FKTN: variants seen among roughly 807,000 people sequenced by gnomAD.
FKTN encodes fukutin.
FKTN carries 47 observed loss-of-function variants against 58.6 expected under a neutral mutation model. The observed-to-expected ratio is 0.80, with a 90% CI of 0.63 to 1.02. The LOEUF (loss-of-function observed/expected upper bound fraction) is 1.02, where lower values mean the gene tolerates loss of function less well. Ranked by LOEUF, FKTN falls within the 50% of genes least tolerant of loss-of-function variation. The probability of loss-of-function intolerance (pLI) is 0.00; values close to 1 mark genes in which losing one functional copy is unlikely to be tolerated. For missense variants in FKTN, 516 were observed against 537.3 expected, an observed-to-expected ratio of 0.96 and a Z score of 0.39; for synonymous variants, 178 against 191.9, an observed-to-expected ratio of 0.93 and a Z score of 0.60.
chr9:105,615,415 T>C lies in FKTN; in HGVS notation c.910+8T>C. The C allele has an allele frequency of 6.2e-7, 1 of 1,613,864 alleles. No individual in the cohort carries two copies. On this transcript the variant is annotated splice_region_variant and intron_variant, in intron 8 of 10. Coordinates refer to ENST00000357998, the MANE Select transcript of FKTN (RefSeq NM_001079802.2). ...GCAGTGGAACTTGTCTAGGTAAAAT[T>C]CTTACGACTTTCCATTTGTCTTTCT...
At chr9:105,611,709 G>A (rs1206446938) in intron 7 of FKTN, among the ~76,000 whole-genome samples, 1 of 152,092 alleles carries the variant, frequency 6.6e-6, no homozygotes. Flanking sequence ...GTATTCCATG[G>A]TGTATATATA....
At chr9:105,584,100 T>C (rs937569473) in intron 3 of FKTN, among the ~76,000 whole-genome samples, 2 of 152,214 alleles carry the variant, frequency 1.3e-5, no homozygotes, top group African/African-American at 4.8e-5. Flanking sequence ...AGTTAATTAC[T>C]TGACTTCTAA....
chr9:105,620,817 G>GTAGTAGTAGTAA (rs1188483734), intron 10 of FKTN, among the ~76,000 whole-genome samples: 37 of 150,696 alleles, frequency 2.5e-4, no homozygotes, highest in African/African-American at 9.0e-4. Context: ...AGTAGTAGTA[G>GTAGTAGTAGTAA]TAGTAAAGAA....
intron 1 of FKTN, among the ~76,000 whole-genome samples, chr9:105,563,165 G>T (rs903526155): frequency 4.6e-5 from 7 of 152,166 alleles, no homozygotes; most frequent in Non-Finnish European, 1.0e-4. Context: ...GAAAGAATAT[G>T]CAGTGGGGTT....
At chr9:105,570,192 A>G (rs1006725254) in intron 1 of FKTN, among the ~76,000 whole-genome samples, 3 of 152,092 alleles carry the variant, frequency 2.0e-5, no homozygotes, top group African/African-American at 7.2e-5. Flanking sequence ...TTCCTGCAGA[A>G]CAGAAAAGTT....
In FKTN at chr9:105,593,040, A is replaced by C. The variant is rs76160496; in HGVS notation, c.106-3558A>C. On this transcript the variant is annotated intron_variant, in intron 3 of 10. Transcript: ENST00000357998. ...ATTTTCTGTAGTTAGTCTGTTCTCG[A>C]ATTGCTATAAAGAAACACCTAAGAC... 9.1e-3 allele frequency among the ~76,000 whole-genome samples: 1,382 copies of C among 152,300 alleles called. 22 individuals carry two copies. The highest frequency in any genetic ancestry group is 0.032 in the African/African-American group (1,324 of 41,542).
intron 7 of FKTN, among the ~76,000 whole-genome samples, chr9:105,611,812 T>C (rs1042152431): frequency 6.6e-6 from 1 of 152,184 alleles, no homozygotes; most frequent in African/African-American, 2.4e-5. Context: ...AACACACACA[T>C]GTATGTGTCT....
chr9:105,626,412 G>A (rs1241852778), intron 10 of FKTN, among the ~76,000 whole-genome samples: 2 of 152,194 alleles, frequency 1.3e-5, no homozygotes, highest in East Asian at 3.8e-4. Flanking sequence ...CATGGTGAAA[G>A]GAGCAATCAA....
intron 3 of FKTN, among the ~76,000 whole-genome samples, chr9:105,579,633 G>A (rs1291412962): frequency 6.8e-6 from 1 of 148,108 alleles, no homozygotes; most frequent in African/African-American, 2.5e-5. Flanking sequence ...TGAAAAAAAT[G>A]TATATTCTGT....
At chr9:105,621,456 A>T (rs1273770453) in intron 10 of FKTN, among the ~76,000 whole-genome samples, 1 of 152,180 alleles carries the variant, frequency 6.6e-6, no homozygotes, top group African/African-American at 2.4e-5. Context: ...TAAATTTTTG[A>T]ATAGATTATA....
At chr9:105,605,135 TC>T (rs1407031367) in intron 6 of FKTN, among the ~76,000 whole-genome samples, 5 of 152,014 alleles carry the variant, frequency 3.3e-5, no homozygotes, top group Admixed American at 3.3e-4. Context: ...ATTATTTTTT[TC>T]CATTCAAAAG....
At chr9:105,628,714 A>G (rs1246439337) in intron 10 of FKTN, among the ~76,000 whole-genome samples, 6 of 152,250 alleles carry the variant, frequency 3.9e-5, no homozygotes, top group Non-Finnish European at 7.3e-5. Flanking sequence ...TATTCAAACA[A>G]TGGACTACCA....
At chr9:105,621,636 T>C (rs1032990399) in intron 10 of FKTN, among the ~76,000 whole-genome samples, 1 of 152,090 alleles carries the variant, frequency 6.6e-6, no homozygotes, top group East Asian at 1.9e-4. Flanking sequence ...CGTATACATA[T>C]AGTATTTACG....
rs901776517 is a variant in FKTN, at chr9:105,633,500, G to T, written c.1173-1551G>T. The T allele has an allele frequency of 4.6e-5, 7 of 152,248 alleles. No individual in the cohort carries two copies. In the East Asian group the frequency reaches 1.2e-3, roughly 25 times the overall value. 9.4% of individuals were successfully genotyped at this position (152,248 alleles called of 1,614,324 possible). A position where few individuals can be genotyped will look rare whatever the true frequency, so the allele number is the denominator to read the frequency against. Reference sequence around the variant, plus strand: ...GTGGACATTCTGCTAACCAGCATCTGATTAGAGAGGGTGGAGGCTGGTGAT... The same window carrying T: ...GTGGACATTCTGCTAACCAGCATCTTATTAGAGAGGGTGGAGGCTGGTGAT... On this transcript the variant is annotated intron_variant, in intron 10 of 10. Transcript: ENST00000357998.
Position 105,579,247 on chromosome 9 carries a change from A to G in FKTN, c.105+4110A>G, listed in dbSNP as rs1244989911. Reference sequence around the variant, plus strand: ...TGCTCTTGCTTCTCTAGTTCTCTTAATTGTGATGTTAGGGTGTCAATTTTA... The same window carrying G: ...TGCTCTTGCTTCTCTAGTTCTCTTAGTTGTGATGTTAGGGTGTCAATTTTA... On this transcript the variant is annotated intron_variant, in intron 3 of 10. Transcript: ENST00000357998. Among the ~76,000 whole-genome samples the G allele has an allele frequency of 3.3e-5, 5 of 152,024 alleles. No homozygotes were observed. In the East Asian group the frequency reaches 9.7e-4, roughly 29 times the overall value.
At chr9:105,612,848 C>T (rs1830176339) in intron 7 of FKTN, among the ~76,000 whole-genome samples, 1 of 152,034 alleles carries the variant, frequency 6.6e-6, no homozygotes, top group Admixed American at 6.5e-5. Flanking sequence ...ACTTGTAATC[C>T]CAGCTACTTG....
intron 1 of FKTN, among the ~76,000 whole-genome samples, chr9:105,569,030 A>G (rs1029135922): frequency 3.3e-5 from 5 of 152,184 alleles, no homozygotes; most frequent in Admixed American, 2.6e-4. Flanking sequence ...TCAGCAAACT[A>G]TCTCAAGGAC....
In FKTN at chr9:105,639,073, A is replaced by T; in HGVS notation, c.*3809A>T. The T allele has an allele frequency of 1.0e-6, 1 of 985,164 alleles. No individual in the cohort carries two copies. The highest frequency in any genetic ancestry group is 4.7e-5 in the South Asian group (1 of 21,290). The allele number at this position is 985,164 out of a possible 1,614,324, so 61.0% of individuals were successfully genotyped here. On this transcript the variant is annotated 3_prime_UTR_variant, in exon 11 of 11. Transcript: ENST00000357998. ...GAAAGTGAACAGTTTTTTAAATCCT[A>T]AATGTTATAAATCCTTAGGAGAAAT...
chr9:105,582,130 C>T (rs965886546), intron 3 of FKTN, among the ~76,000 whole-genome samples: 7 of 152,164 alleles, frequency 4.6e-5, no homozygotes, highest in Admixed American at 1.3e-4. Context: ...CCGTCTTCTG[C>T]GTCGCTCATG....
Sources: gnomAD v4.1 joint callset for allele counts (sites outside exome capture counted in the v4.1 genomes callset) on GRCh38, gnomAD v4.1.1 for gene constraint, MANE v1.5 for transcripts, NCBI Gene and HGNC (gene_info 2026-07-23, HGNC 2026-07-21) for gene names.